CHMP2B: variants seen among roughly 807,000 people sequenced by gnomAD.
The protein encoded by CHMP2B is VPS2 homolog B.
A neutral mutation model predicts 29.8 loss-of-function variants in CHMP2B; 22 were observed. The ratio of observed to expected loss-of-function variants is 0.74; its 90% CI spans 0.53 to 1.05. The LOEUF (loss-of-function observed/expected upper bound fraction) is 1.05, where lower values mean the gene tolerates loss of function less well. CHMP2B is among the 50% of genes least tolerant of loss of function. The pLI, the probability that CHMP2B is intolerant of heterozygous loss-of-function variation, is 0.00. For missense variants in CHMP2B, 261 were observed against 252.2 expected (o/e 1.03, Z -0.24); for synonymous variants, 78 against 75.8 (o/e 1.03, Z -0.15).
chr3:87,245,597 C>G, intron 2 of CHMP2B, 117 bp from the exon 3 acceptor site: 1 of 826,586 alleles, frequency 1.2e-6, no homozygotes, highest in Non-Finnish European at 1.9e-6. Context: ...GCTTCTTCCC[C>G]TCTTCATGAT....
At chr3:87,249,521 ATTAAAT>A (rs1706276244) in intron 3 of CHMP2B, among the ~76,000 whole-genome samples, 1 of 152,070 alleles carries the variant, frequency 6.6e-6, no homozygotes, top group South Asian at 2.1e-4. Flanking sequence ...TTTTATAAAA[ATTAAAT>A]TTAAAAATTT....
rs1188015123 is a variant in CHMP2B, at chr3:87,253,932, A to T, written c.*110A>T. 21 of 738,304 alleles carry T rather than the reference A, an allele frequency of 2.8e-5. No individual in the cohort carries two copies. Among genetic ancestry groups the T allele is most frequent in the Admixed American group, 9.5e-5 (4 of 41,886 alleles). The allele number at this position is 738,304 out of a possible 1,614,324, so 45.7% of individuals were successfully genotyped here. A position where few individuals can be genotyped will look rare whatever the true frequency, so the allele number is the denominator to read the frequency against. ...TATTTTGCAAAAAAAAAAAAAATGA[A>T]GACCATGAGTGAACAGTTGTTTCCT... is the stretch of plus-strand genomic sequence containing the variant. On this transcript the variant is annotated 3_prime_UTR_variant, in exon 6 of 6. Transcript: ENST00000263780.
chr3:87,252,139 G>T (rs1706322666), intron 4 of CHMP2B, among the ~76,000 whole-genome samples: 2 of 151,822 alleles, frequency 1.3e-5, no homozygotes, highest in African/African-American at 2.4e-5. Flanking sequence ...CATTTCCAGG[G>T]AGTCATGGCT....
In CHMP2B at chr3:87,254,937, A is replaced by G. The variant is rs1706378798; in HGVS notation, c.*1115A>G. 6.6e-6 allele frequency: 1 copy of G among 152,030 alleles called. No individual in the cohort carries two copies. The highest frequency in any genetic ancestry group is 1.5e-5 in the Non-Finnish European group (1 of 67,936). 9.4% of individuals were successfully genotyped at this position (152,030 alleles called of 1,614,324 possible). ...ACCAGAAATTACTATCTAAATGTGT[A>G]TTAGCAGTATTTTTTAAGGTGAAAT... is the stretch of plus-strand genomic sequence containing the variant. On this transcript the variant is annotated 3_prime_UTR_variant, in exon 6 of 6. Transcript: ENST00000263780.
intron 1 of CHMP2B, among the ~76,000 whole-genome samples, chr3:87,231,142 T>A (rs1298128889): frequency 6.6e-6 from 1 of 152,130 alleles, no homozygotes; most frequent in Non-Finnish European, 1.5e-5. Flanking sequence ...TACTGATGGA[T>A]CCCAAATTTG....
chr3:87,246,218 T>A (rs1825899), intron 3 of CHMP2B, among the ~76,000 whole-genome samples: 77,734 of 151,528 alleles, frequency 0.51, 20,217 homozygotes, highest in East Asian at 0.7. Context: ...GCTCCCTGCA[T>A]CCTCCGCCTC....
Position 87,227,517 on chromosome 3 carries a change from T to G in CHMP2B, c.-6T>G, listed in dbSNP as rs766100499. ...GAGCCGGGCCGCCCGGGCGCAGTCT[T>G]TAACCATGGCGTCCCTCTTCAAGAA... On this transcript the variant is annotated 5_prime_UTR_variant, in exon 1 of 6. Transcript: ENST00000263780. 6.2e-6 allele frequency: 10 copies of G among 1,614,040 alleles called. No homozygotes were observed. Among genetic ancestry groups the G allele is most frequent in the Non-Finnish European group, 8.5e-6 (10 of 1,180,030 alleles).
In CHMP2B at chr3:87,234,867, A is replaced by G. The variant is rs1231663835; in HGVS notation, c.35-5832A>G. On this transcript the variant is annotated intron_variant, in intron 1 of 5. Transcript: ENST00000263780. ...TGAAAAATCGGGGAAGTAGAAAGTT[A>G]TAAGGAAAACAGCCAATTATTTCAA... Among the ~76,000 whole-genome samples the G allele has an allele frequency of 2.6e-5, 4 of 152,248 alleles. No individual in the cohort carries two copies. In the South Asian group the frequency reaches 6.2e-4, roughly 24 times the overall value.
At position 87,249,870 on chromosome 3, in the gene CHMP2B, T is replaced by C. The variant is rs1706282991; in HGVS notation, c.322-5T>C. On this transcript the variant is annotated splice_region_variant and splice_polypyrimidine_tract_variant and intron_variant, in intron 3 of 5. Transcript: ENST00000263780. ...GTAACATGAATCTTGTAAATACATT[T>C]AAAGACAATGCAGGCAGTTAACAAG... 1.3e-6 allele frequency: 2 copies of C among 1,563,128 alleles called. No homozygotes were observed. Among genetic ancestry groups the C allele is most frequent in the Non-Finnish European group, 1.8e-6 (2 of 1,135,988 alleles).
At chr3:87,244,102 G>A (rs1381283522) in intron 2 of CHMP2B, among the ~76,000 whole-genome samples, 12 of 147,130 alleles carry the variant, frequency 8.2e-5, no homozygotes, top group South Asian at 2.1e-4. Context: ...GCTGGAGTGC[G>A]GTGGCGTGAT....
At position 87,227,429 on chromosome 3, in the gene CHMP2B, C is replaced by T. The variant is rs750699594; in HGVS notation, c.-94C>T. The T allele has an allele frequency of 6.0e-6, 9 of 1,503,684 alleles. No individual in the cohort carries two copies. The highest frequency in any genetic ancestry group is 1.7e-5 in the Admixed American group (1 of 59,580). The allele number at this position is 1,503,684 out of a possible 1,614,324, so 93.1% of individuals were successfully genotyped here. A position where few individuals can be genotyped will look rare whatever the true frequency, so the allele number is the denominator to read the frequency against. On this transcript the variant is annotated 5_prime_UTR_variant, in exon 1 of 6. Coordinates refer to ENST00000263780, the MANE Select transcript of CHMP2B (RefSeq NM_014043.4). The stretch of plus-strand genomic sequence containing the variant: ...CTGCTGTCTCTCCGCTCCGCCACCC[C>T]GAACCCGCCAAGGTCCTGTCCTTTT...
rs753473616 is a variant in CHMP2B, at chr3:87,227,521, C to T, written c.-2C>T. 12 of 1,614,192 alleles carry T rather than the reference C, an allele frequency of 7.4e-6. No individual in the cohort carries two copies. Among genetic ancestry groups the T allele is most frequent in the Admixed American group, 1.7e-5 (1 of 60,034 alleles). ...CGGGCCGCCCGGGCGCAGTCTTTAA[C>T]CATGGCGTCCCTCTTCAAGAAGAAA... On this transcript the variant is annotated 5_prime_UTR_variant, in exon 1 of 6. Coordinates refer to ENST00000263780, the MANE Select transcript of CHMP2B (RefSeq NM_014043.4).
chr3:87,251,040 T>C (rs1706306159), intron 4 of CHMP2B, among the ~76,000 whole-genome samples: 1 of 151,952 alleles, frequency 6.6e-6, no homozygotes, highest in African/African-American at 2.4e-5. Flanking sequence ...TTTACAACTA[T>C]GTAGGGATAT....
At position 87,255,231 on chromosome 3, in the gene CHMP2B, T is replaced by G. The variant is rs188771358; in HGVS notation, c.*1409T>G. On this transcript the variant is annotated 3_prime_UTR_variant, in exon 6 of 6. Transcript: ENST00000263780. ...AGGAGGAATGAAAAACTAAACTGTA[T>G]AGTTTATATTCCGTAAACCATTTTA... 6.8e-4 allele frequency: 104 copies of G among 152,548 alleles called. 1 individual carries two copies. The highest frequency in any genetic ancestry group is 1.5e-5 in the Non-Finnish European group (1 of 67,918). 9.4% of individuals were successfully genotyped at this position (152,548 alleles called of 1,614,324 possible).
chr3:87,228,448 G>C (rs1257401868), intron 1 of CHMP2B, among the ~76,000 whole-genome samples: 1 of 152,182 alleles, frequency 6.6e-6, no homozygotes, highest in Non-Finnish European at 1.5e-5. Context: ...TTCAACCAAA[G>C]AATCACTTCT....
rs1197624305 is a variant in CHMP2B at position 87,227,317 on chromosome 3, C to G, written c.-206C>G. ...ACTTCTCCAAAAAGTGTGTTAGTTC[C>G]CGGTCACCTGAGCTCCGGGTGACGC... is the stretch of plus-strand genomic sequence containing the variant. On this transcript the variant is annotated 5_prime_UTR_variant, in exon 1 of 6. Transcript: ENST00000263780. 1 of 617,198 alleles carries G rather than the reference C, an allele frequency of 1.6e-6. No individual in the cohort carries two copies. Among genetic ancestry groups the G allele is most frequent in the Non-Finnish European group, 2.9e-6 (1 of 345,626 alleles). The allele number at this position is 617,198 out of a possible 1,614,324, so 38.2% of individuals were successfully genotyped here. A position where few individuals can be genotyped will look rare whatever the true frequency, so the allele number is the denominator to read the frequency against.
At chr3:87,229,369 T>G (rs1166274611) in intron 1 of CHMP2B, among the ~76,000 whole-genome samples, 1 of 152,214 alleles carries the variant, frequency 6.6e-6, no homozygotes, top group Non-Finnish European at 1.5e-5. Flanking sequence ...TGCCACTAAA[T>G]TAACCATATG....
chr3:87,238,618 G>A (rs1706058639), intron 1 of CHMP2B, among the ~76,000 whole-genome samples: 1 of 152,120 alleles, frequency 6.6e-6, no homozygotes, highest in Non-Finnish European at 1.5e-5. Flanking sequence ...GCATGTTGTA[G>A]TATGTATCAG....
Position 87,227,463 on chromosome 3 carries a change from C to G in CHMP2B, c.-60C>G. 1 of 1,605,564 alleles carries G rather than the reference C, an allele frequency of 6.2e-7. No homozygotes were observed. Among genetic ancestry groups the G allele is most frequent in the Admixed American group, 1.7e-5 (1 of 60,008 alleles). On this transcript the variant is annotated 5_prime_UTR_variant, in exon 1 of 6. Coordinates refer to ENST00000263780, the MANE Select transcript of CHMP2B (RefSeq NM_014043.4). ...CAAGGTCCTGTCCTTTTCCTCCTGT[C>G]CTTTGCCAGCGTTGGGCCGGACCGG...
Sources: allele counts gnomAD v4.1 joint callset (sites outside exome capture counted in the v4.1 genomes callset), GRCh38; gene constraint gnomAD v4.1.1; transcripts MANE v1.5; gene names NCBI Gene and HGNC (gene_info 2026-07-23, HGNC 2026-07-21).